Variants in ZNF462 observed in about 807,000 individuals in gnomAD.
ZNF462 encodes the protein zinc finger protein 462.
A neutral mutation model predicts 201.9 loss-of-function variants in ZNF462; 10 were observed. The ratio of observed to expected loss-of-function variants is 0.05; its 90% CI spans 0.03 to 0.08. The LOEUF is 0.08. ZNF462 is among the 10% of genes least tolerant of loss of function. ZNF462 has a pLI of 1.00. For synonymous variants in ZNF462, 1,227 were observed against 1,193.3 expected, an observed-to-expected ratio of 1.03 and a Z score of -0.58; for missense variants, 2,523 against 3,168.3, an observed-to-expected ratio of 0.80 and a Z score of 4.89.
rs1021755061 is a variant in ZNF462, at chr9:106,977,852, T to G, written c.6832+3579T>G. 6.6e-6 allele frequency among the ~76,000 whole-genome samples: 1 copy of G among 151,150 alleles called. No homozygotes were observed. The highest frequency in any genetic ancestry group is 2.5e-5 in the African/African-American group (1 of 40,644). ...ACAAGTGACCACCAAATGTGTAGAT[T>G]AAAACAATAGAAATGTATTCTCTCA... On this transcript the variant is annotated intron_variant, in intron 9 of 12. Transcript: ENST00000277225. The surrounding 1 kb of genome is among the most constrained non-coding windows in gnomAD (Gnocchi z 4.6).
intron 7 of ZNF462, 136 bp from the exon 8 acceptor site, chr9:106,971,869 T>C: frequency 9.4e-7 from 1 of 1,061,698 alleles, no homozygotes; most frequent in Non-Finnish European, 1.4e-6. Context: ...ACACCTTAAG[T>C]ATAAACAATT....
In ZNF462 at chr9:106,929,607, A is replaced by G. The variant is rs1411944803; in HGVS notation, c.5695A>G (p.Ser1899Gly). ...NSTYQCKHCD[S>G]KLQSTAELTS... ...CACCTACCAGTGTAAGCACTGTGATAGCAAACTGCAAAGCACAGCCGAGCT... is the reference window on the plus strand; with the variant it reads ...CACCTACCAGTGTAAGCACTGTGATGGCAAACTGCAAAGCACAGCCGAGCT... Residue 1899 changes from serine to glycine, a missense_variant, in exon 3 of 13, where the codon AGC becomes GGC. By Grantham distance (56) the Ser-to-Gly change is moderately conservative (BLOSUM62 0). Transcript: ENST00000277225. The surrounding 1 kb of genome is among the most constrained non-coding windows in gnomAD (Gnocchi z 8.7). 1 of 1,614,228 alleles carries G rather than the reference A, an allele frequency of 6.2e-7. No homozygotes were observed. Among genetic ancestry groups the G allele is most frequent in the East Asian group, 2.2e-5 (1 of 44,866 alleles).
rs1406320218 is a variant in ZNF462, at chr9:106,929,323, G to A, written c.5411G>A (p.Gly1804Glu). The A allele has an allele frequency of 6.2e-7, 1 of 1,614,004 alleles. No homozygotes were observed. Among genetic ancestry groups the A allele is most frequent in the African/African-American group, 1.3e-5 (1 of 74,902 alleles). The change falls in exon 3 of 13, where the codon GGG (glycine) becomes GAG (glutamate). Residue 1804 changes from glycine (G) to glutamate (E), a missense_variant. This residue lies in a region of ZNF462 where 207 missense variants were observed against 231.6 expected (regional missense o/e 0.89). Transcript: ENST00000277225. The surrounding 1 kb of genome is among the most constrained non-coding windows in gnomAD (Gnocchi z 8.7). ...FPKKQHASKLGGYFTAVYADE... is the reference protein window; with the variant it reads ...FPKKQHASKLEGYFTAVYADE... ...AAGAAGCAGCACGCCAGCAAGTTGG[G>A]GGGCTACTTCACGGCCGTCTATGCA...
At chr9:106,955,235 CCAGACCACCT>C (rs1831522799) in intron 7 of ZNF462, among the ~76,000 whole-genome samples, 1 of 152,032 alleles carries the variant, frequency 6.6e-6, no homozygotes, top group Non-Finnish European at 1.5e-5. Flanking sequence ...GGGTTTGGTT[CCAGACCACCT>C]CAGTAAAGCA....
rs1432171986 is a variant in ZNF462, at chr9:106,913,302, C to G, written c.-30-10052C>G. ...CTTTGTTTTTCTGTTCATGGATGCT[C>G]TCTGGAATTCCTTAGGTTCTTGAAC... On this transcript the variant is annotated intron_variant, in intron 1 of 12. Coordinates refer to ENST00000277225, the MANE Select transcript of ZNF462 (RefSeq NM_021224.6). The surrounding 1 kb of genome is among the most constrained non-coding windows in gnomAD (Gnocchi z 4.1). Among the ~76,000 whole-genome samples, 1 of 152,144 alleles carries G rather than the reference C, an allele frequency of 6.6e-6. No individual in the cohort carries two copies. Among genetic ancestry groups the G allele is most frequent in the Non-Finnish European group, 1.5e-5 (1 of 68,032 alleles).
In ZNF462 at chr9:106,984,104, T is replaced by A; in HGVS notation, c.6833-82T>A. 3.7e-6 allele frequency: 5 copies of A among 1,344,350 alleles called. No homozygotes were observed. The highest frequency in any genetic ancestry group is 5.2e-6 in the Non-Finnish European group (5 of 966,518). 83.3% of individuals were successfully genotyped at this position (1,344,350 alleles called of 1,614,324 possible). On this transcript the variant is annotated intron_variant, in intron 9 of 12. Transcript: ENST00000277225. This position sits in a 1 kb window ranked among gnomAD's most constrained non-coding sequence, Gnocchi z 6.4. ...ACGAGGAGCAGCAAGATTGGGTGAGTTTCTTCTTGTATTCCAAAGAAAGAA... is the reference window on the plus strand; with the variant it reads ...ACGAGGAGCAGCAAGATTGGGTGAGATTCTTCTTGTATTCCAAAGAAAGAA...
In ZNF462 at chr9:106,950,959, G is replaced by A. The variant is rs1489720401; in HGVS notation, c.6427+11852G>A. Among the ~76,000 whole-genome samples, 2 of 151,850 alleles carry A rather than the reference G, an allele frequency of 1.3e-5. No homozygotes were observed. The highest frequency in any genetic ancestry group is 2.4e-5 in the African/African-American group (1 of 41,322). ...ACAAAAATTAGCCAGGCTTGGTGGC[G>A]AGCGCCTGTAATTCCAGCCACTCCG... On this transcript the variant is annotated intron_variant, in intron 7 of 12. Coordinates refer to ENST00000277225, the MANE Select transcript of ZNF462 (RefSeq NM_021224.6). The surrounding 1 kb of genome is among the most constrained non-coding windows in gnomAD (Gnocchi z 4.1).
chr9:106,929,677 C>T lies in ZNF462; in HGVS notation c.5765C>T (p.Ala1922Val). 1 of 1,614,122 alleles carries T rather than the reference C, an allele frequency of 6.2e-7. No individual in the cohort carries two copies. The highest frequency in any genetic ancestry group is 1.3e-5 in the African/African-American group (1 of 75,014). Residue 1922 changes from alanine (A) to valine (V), a missense_variant, in exon 3 of 13, where the codon GCC becomes GTC. By Grantham distance (64) the Ala-to-Val change is moderately conservative (BLOSUM62 0). Coordinates refer to ENST00000277225, the MANE Select transcript of ZNF462 (RefSeq NM_021224.6). This position sits in a 1 kb window ranked among gnomAD's most constrained non-coding sequence, Gnocchi z 8.7. ...NIHNEEFQKR[A>V]KRQERRKQLL... is the part of the protein sequence containing the mutation. ...CACAATGAGGAATTCCAGAAGCGTG[C>T]CAAACGTCAGGAGAGGAGGAAACAG...
Position 107,009,799 on chromosome 9 carries a change from G to C in ZNF462, c.7313+131G>C. The C allele has an allele frequency of 1.5e-6, 2 of 1,340,482 alleles. No homozygotes were observed. The highest frequency in any genetic ancestry group is 2.0e-6 in the Non-Finnish European group (2 of 997,386). The allele number at this position is 1,340,482 out of a possible 1,614,324, so 83.0% of individuals were successfully genotyped here. On this transcript the variant is annotated intron_variant, in intron 12 of 12. Transcript: ENST00000277225. The surrounding 1 kb of genome is among the most constrained non-coding windows in gnomAD (Gnocchi z 6.1). The stretch of plus-strand genomic sequence containing the variant: ...CACATTTCTGGGCCGTGGGAGGAGA[G>C]GCAATGGTGAGGAACCAAGTTTCTC...
chr9:106,927,664 C>G lies in ZNF462; in HGVS notation c.3752C>G (p.Ser1251Cys). Residue 1251 changes from serine (S) to cysteine (C), a missense_variant, in exon 3 of 13, where the codon TCC becomes TGC. Ser to Cys is a moderately radical substitution (Grantham distance 112). This residue lies in a region of ZNF462 where 222 missense variants were observed against 271.6 expected (regional missense o/e 0.82). Coordinates refer to ENST00000277225, the MANE Select transcript of ZNF462 (RefSeq NM_021224.6). ...QKKPASCVLVSPSNLERDKTK... is the reference protein window; with the variant it reads ...QKKPASCVLVCPSNLERDKTK... ...AAGCCTGCCAGCTGCGTGCTTGTCT[C>G]CCCCTCTAATCTGGAGCGGGACAAA... The G allele has an allele frequency of 1.9e-6, 3 of 1,614,062 alleles. No homozygotes were observed. The highest frequency in any genetic ancestry group is 2.5e-6 in the Non-Finnish European group (3 of 1,180,032).
In ZNF462 at chr9:106,885,756, T is replaced by C. The variant is rs1828289510; in HGVS notation, c.-31+22401T>C. On this transcript the variant is annotated intron_variant, in intron 1 of 12. Coordinates refer to ENST00000277225, the MANE Select transcript of ZNF462 (RefSeq NM_021224.6). The surrounding 1 kb of genome is among the most constrained non-coding windows in gnomAD (Gnocchi z 4.1). Reference sequence around the variant, plus strand: ...AGAGCTCATGCTACCATCAAGACTTTAGAACAAGGACAACTTGAAGTGGCT... The same window carrying C: ...AGAGCTCATGCTACCATCAAGACTTCAGAACAAGGACAACTTGAAGTGGCT... Among the ~76,000 whole-genome samples the C allele has an allele frequency of 6.6e-6, 1 of 152,216 alleles. No homozygotes were observed. Among genetic ancestry groups the C allele is most frequent in the Non-Finnish European group, 1.5e-5 (1 of 68,036 alleles).
intron 7 of ZNF462, among the ~76,000 whole-genome samples, chr9:106,944,059 G>A (rs928207433): frequency 3.5e-4 from 54 of 152,200 alleles, no homozygotes; most frequent in African/African-American, 1.3e-3. Context: ...GTTGAGACAG[G>A]GTATAAACCC....
At chr9:106,877,816 G>A (rs1236710317) in intron 1 of ZNF462, among the ~76,000 whole-genome samples, 2 of 152,206 alleles carry the variant, frequency 1.3e-5, no homozygotes, top group Non-Finnish European at 2.9e-5. Flanking sequence ...CTAAATGAGA[G>A]ATTTTTGGTC....
Position 106,928,337 on chromosome 9 carries a change from C to T in ZNF462, c.4425C>T (p.Cys1475=). The change falls in exon 3 of 13, where the codon TGC becomes TGT. Residue 1475 remains cysteine, a synonymous_variant. Transcript: ENST00000277225. The surrounding 1 kb of genome is among the most constrained non-coding windows in gnomAD (Gnocchi z 9.3). ...CCACCCCATACCAGTGCACGGTATG[C>T]CAATCTGAGTATAACAACTTGCACG... ...ISSTPYQCTV[C]QSEYNNLHGL... 6.2e-7 allele frequency: 1 copy of T among 1,614,158 alleles called. No individual in the cohort carries two copies. The highest frequency in any genetic ancestry group is 8.5e-7 in the Non-Finnish European group (1 of 1,180,032).
In ZNF462 at chr9:106,883,021, CT is replaced by C. The variant is rs958204698; in HGVS notation, c.-31+19668del. 6.6e-6 allele frequency among the ~76,000 whole-genome samples: 1 copy of C among 152,190 alleles called. No individual in the cohort carries two copies. The highest frequency in any genetic ancestry group is 2.4e-5 in the African/African-American group (1 of 41,446). On this transcript the variant is annotated intron_variant, in intron 1 of 12. Transcript: ENST00000277225. The surrounding 1 kb of genome is among the most constrained non-coding windows in gnomAD (Gnocchi z 4.9). ...TGGTCAAGCAGATTCAGAAAACATC[CT>C]TCTTCACCTTTGACTTTAGTTCTTG...
intron 10 of ZNF462, among the ~76,000 whole-genome samples, chr9:106,988,902 G>C (rs1224324691): frequency 6.6e-6 from 1 of 152,104 alleles, no homozygotes; most frequent in African/African-American, 2.4e-5. Context: ...TGGAAACTTT[G>C]CTGAATTCCT....
At chr9:106,911,998 A>C (rs1187123550) in intron 1 of ZNF462, among the ~76,000 whole-genome samples, 1 of 152,222 alleles carries the variant, frequency 6.6e-6, no homozygotes, top group Non-Finnish European at 1.5e-5. Context: ...TTCTGGTATC[A>C]TTAGTCTGAG....
rs774100517 is a variant in ZNF462 at position 106,927,577 on chromosome 9, A to G, written c.3665A>G (p.Asn1222Ser). Residue 1222 changes from asparagine to serine, a missense_variant, in exon 3 of 13, where the codon AAT (asparagine) becomes AGT (serine). By Grantham distance (46) the Asn-to-Ser change is conservative (BLOSUM62 1). This residue lies in a region of ZNF462 where 222 missense variants were observed against 271.6 expected (regional missense o/e 0.82). Coordinates refer to ENST00000277225, the MANE Select transcript of ZNF462 (RefSeq NM_021224.6). Reference protein sequence around the residue: ...YQKKHRDFKANADVIRQHTAT... With the variant: ...YQKKHRDFKASADVIRQHTAT... ...AAGAAGCACCGAGACTTCAAGGCCA[A>G]TGCAGATGTGATCCGGCAGCATACG... The G allele has an allele frequency of 1.2e-6, 2 of 1,613,906 alleles. No homozygotes were observed. Among genetic ancestry groups the G allele is most frequent in the Non-Finnish European group, 1.7e-6 (2 of 1,179,920 alleles).
intron 7 of ZNF462, among the ~76,000 whole-genome samples, chr9:106,943,723 T>C (rs1007232419): frequency 6.6e-6 from 1 of 152,164 alleles, no homozygotes; most frequent in African/African-American, 2.4e-5. Flanking sequence ...ATATGGACAG[T>C]TAGGTAAGTA....
Sources: gnomAD v4.1 joint callset for allele counts (sites outside exome capture counted in the v4.1 genomes callset) on GRCh38, gnomAD v4.1.1 for gene constraint, gnomAD v4.1.1 regional missense constraint, Gnocchi (gnomAD v3.1) non-coding constraint, MANE v1.5 for transcripts, NCBI Gene and HGNC (gene_info 2026-07-23, HGNC 2026-07-21) for gene names.